KAZN: variants seen among roughly 807,000 people sequenced by gnomAD.
KAZN encodes the protein kazrin.
KAZN carries 40 observed loss-of-function variants against 87.4 expected under a neutral mutation model. That is an observed-to-expected ratio of 0.46 (90% CI 0.36 to 0.60). The LOEUF is 0.60. Among genes scored for constraint, KAZN ranks in the 20% least tolerant of loss-of-function variants. The pLI, the probability that KAZN is intolerant of heterozygous loss-of-function variation, is 0.00. For synonymous variants in KAZN, 466 were observed against 458.3 expected (o/e 1.02, Z -0.22); for missense variants, 898 against 1,073.9 (o/e 0.84, Z 2.29).
At chr1:14,668,311 G>A (rs1028388) in intron 1 of KAZN, among the ~76,000 whole-genome samples, 30,263 of 152,120 alleles carry the variant, frequency 0.2, 3,128 homozygotes, top group South Asian at 0.28. Context: ...TGAACTGAAC[G>A]TCCCTGGGTG....
intron 1 of KAZN, among the ~76,000 whole-genome samples, chr1:14,132,756 G>T (rs1286370149): frequency 6.6e-6 from 1 of 152,104 alleles, no homozygotes; most frequent in Admixed American, 6.5e-5. Flanking sequence ...ATACATGACA[G>T]CCCCTCACAT....
intron 1 of KAZN, among the ~76,000 whole-genome samples, chr1:14,171,155 G>A (rs1276945272): frequency 6.6e-6 from 1 of 152,200 alleles, no homozygotes; most frequent in Non-Finnish European, 1.5e-5. Context: ...GTATTCCATT[G>A]TATGGATATA....
At chr1:14,207,068 A>C (rs1339954110) in intron 2 of KAZN, among the ~76,000 whole-genome samples, 2 of 150,684 alleles carry the variant, frequency 1.3e-5, no homozygotes, top group East Asian at 3.9e-4. Context: ...GGTTCAAGTG[A>C]TTCTCCTGCC....
intron 8 of KAZN, among the ~76,000 whole-genome samples, chr1:15,083,510 T>C (rs566859701): frequency 5.8e-4 from 88 of 152,310 alleles, no homozygotes; most frequent in Admixed American, 1.4e-3. Flanking sequence ...TGAGTGTCTC[T>C]GGTCATAGAA....
intron 1 of KAZN, among the ~76,000 whole-genome samples, chr1:14,036,229 CAT>C (rs915816444): frequency 6.6e-6 from 1 of 152,168 alleles, no homozygotes; most frequent in African/African-American, 2.4e-5. Flanking sequence ...TGGCCCAAGA[CAT>C]GTGGGGACTT....
intron 1 of KAZN, among the ~76,000 whole-genome samples, chr1:13,966,211 T>C (rs1641938619): frequency 6.9e-6 from 1 of 145,134 alleles, no homozygotes; most frequent in Admixed American, 6.9e-5. Context: ...CCCTCCCTCC[T>C]ACTCCCTCAA....
intron 2 of KAZN, among the ~76,000 whole-genome samples, chr1:14,186,759 A>C (rs1268812270): frequency 6.6e-6 from 1 of 152,134 alleles, no homozygotes; most frequent in Non-Finnish European, 1.5e-5. Context: ...GGAGGCAATA[A>C]TTAATTTACT....
At chr1:14,134,730 A>G (rs942818694) in intron 1 of KAZN, among the ~76,000 whole-genome samples, 3 of 152,148 alleles carry the variant, frequency 2.0e-5, no homozygotes, top group Non-Finnish European at 4.4e-5. Context: ...TCCAGCCTCC[A>G]GGCCTACACT....
intron 1 of KAZN, among the ~76,000 whole-genome samples, chr1:14,756,112 T>G (rs1330627146): frequency 6.6e-6 from 1 of 152,150 alleles, no homozygotes; most frequent in Non-Finnish European, 1.5e-5. Context: ...AACAAGCCCA[T>G]CACAAGCCCT....
At chr1:14,006,811 AT>A (rs568879299) in intron 1 of KAZN, among the ~76,000 whole-genome samples, 1 of 151,162 alleles carries the variant, frequency 6.6e-6, no homozygotes, top group South Asian at 2.1e-4. Context: ...CTATTTGGGT[AT>A]TTTTTTTCTG....
chr1:14,455,609 A>G (rs945091062), intron 2 of KAZN, among the ~76,000 whole-genome samples: 1 of 152,226 alleles, frequency 6.6e-6, no homozygotes, highest in Non-Finnish European at 1.5e-5. Flanking sequence ...AAGAAAAAAT[A>G]ATTCTGTAAG....
chr1:14,140,524 C>T (rs2101764473), intron 1 of KAZN, among the ~76,000 whole-genome samples: 2 of 152,150 alleles, frequency 1.3e-5, no homozygotes, highest in East Asian at 1.9e-4. Flanking sequence ...GGGAGGGAGG[C>T]CTTCCCACCC....
At chr1:14,354,685 C>CACACACACACACAA (rs1427516822) in intron 2 of KAZN, among the ~76,000 whole-genome samples, 2 of 145,242 alleles carry the variant, frequency 1.4e-5, no homozygotes, top group Non-Finnish European at 3.0e-5. Flanking sequence ...CACACACACA[C>CACACACACACACAA]ACAAACAAAC....
rs1268806847 is a variant in KAZN at position 15,077,010 on chromosome 1, C to A, written c.1222+11257C>A. The stretch of plus-strand genomic sequence containing the variant: ...GGGTCAGTGACGTGGCCACGTGGGG[C>A]CAGCACGTGCTGTAGCAAAAGGAAG... On this transcript the variant is annotated intron_variant, in intron 8 of 14. Transcript: ENST00000376030. The surrounding 1 kb of genome is among the most constrained non-coding windows in gnomAD (Gnocchi z 4.8). 6.6e-6 allele frequency among the ~76,000 whole-genome samples: 1 copy of A among 152,176 alleles called. No individual in the cohort carries two copies. Among genetic ancestry groups the A allele is most frequent in the Non-Finnish European group, 1.5e-5 (1 of 68,032 alleles).
intron 2 of KAZN, among the ~76,000 whole-genome samples, chr1:14,999,517 T>TCCCCCCCCCCCCCC (rs1557701638): frequency 1.2e-5 from 1 of 80,990 alleles, no homozygotes; most frequent in African/African-American, 4.9e-5. Flanking sequence ...CGCCCCGCCA[T>TCCCCCCCCCCCCCC]CCAGACCTTG....
In KAZN at chr1:14,803,746, C is replaced by T. The variant is rs551395965; in HGVS notation, c.227-156938C>T. On this transcript the variant is annotated intron_variant, in intron 1 of 14. Transcript: ENST00000376030. ...CCTGGAGAGGCGATGCCAAGGCTTT[C>T]CTTCACCCTCCCCTTCTCCACGGAG... 3.3e-5 allele frequency among the ~76,000 whole-genome samples: 5 copies of T among 152,366 alleles called. 1 individual carries two copies. In the East Asian group the frequency reaches 9.7e-4, roughly 29 times the overall value.
chr1:14,193,195 C>G (rs1459214294), intron 2 of KAZN, among the ~76,000 whole-genome samples: 1 of 152,184 alleles, frequency 6.6e-6, no homozygotes, highest in Non-Finnish European at 1.5e-5. Context: ...CCTGAGGCCT[C>G]CCCAGCCATG....
intron 1 of KAZN, among the ~76,000 whole-genome samples, chr1:14,109,077 C>A (rs975058440): frequency 2.6e-5 from 4 of 152,164 alleles, no homozygotes; most frequent in African/African-American, 9.7e-5. Context: ...ACTTAAGGAC[C>A]AAAGTCCTGT....
chr1:14,653,667 G>C lies in KAZN; in HGVS notation c.226+54444G>C, dbSNP rs142726287. 4.5e-3 allele frequency among the ~76,000 whole-genome samples: 682 copies of C among 152,342 alleles called. 16 individuals are homozygous for C. Among genetic ancestry groups the C allele is most frequent in the East Asian group, 0.042 (219 of 5,186 alleles). ...CACATCCCTCGGGGTTTTGACCTCT[G>C]TTCTCAGGATAAAATGAGTCAAGGC... On this transcript the variant is annotated intron_variant, in intron 1 of 14. Transcript: ENST00000376030.
Sources: gnomAD v4.1 joint callset for allele counts (sites outside exome capture counted in the v4.1 genomes callset) on GRCh38, gnomAD v4.1.1 for gene constraint, Gnocchi (gnomAD v3.1) non-coding constraint, MANE v1.5 for transcripts, NCBI Gene and HGNC (gene_info 2026-07-23, HGNC 2026-07-21) for gene names.